Variants in SYT16 observed in about 807,000 individuals in gnomAD.
SYT16 encodes synaptotagmin 16.
A neutral mutation model predicts 61.4 loss-of-function variants in SYT16; 42 were observed. That is an observed-to-expected ratio of 0.68 (90% CI 0.53 to 0.89). The LOEUF is 0.89. Ranked by LOEUF, SYT16 falls within the 40% of genes least tolerant of loss-of-function variation. The probability of loss-of-function intolerance (pLI) is 0.00; values close to 1 mark genes in which losing one functional copy is unlikely to be tolerated. For synonymous variants in SYT16, 314 were observed against 302.3 expected, an observed-to-expected ratio of 1.04 and a Z score of -0.40; for missense variants, 804 against 807.3, an observed-to-expected ratio of 1.00 and a Z score of 0.05.
intron 1 of SYT16, among the ~76,000 whole-genome samples, chr14:61,864,599 T>G (rs570020884): frequency 4.9e-4 from 75 of 152,366 alleles, no homozygotes; most frequent in African/African-American, 1.7e-3. Context: ...CCAAGGCCGC[T>G]TCGGCCGCCG....
At chr14:62,051,205 C>A (rs1367992533) in intron 3 of SYT16, among the ~76,000 whole-genome samples, 1 of 152,226 alleles carries the variant, frequency 6.6e-6, no homozygotes, top group Non-Finnish European at 1.5e-5. Context: ...TGCTGCCTTG[C>A]AGTTTGATCT....
At chr14:61,943,478 C>T (rs1050553971) in intron 1 of SYT16, among the ~76,000 whole-genome samples, 1 of 152,092 alleles carries the variant, frequency 6.6e-6, no homozygotes, top group Non-Finnish European at 1.5e-5. Flanking sequence ...ATGTGAAAAT[C>T]CTCAATAAAA....
At chr14:62,010,796 T>C (rs1186925195) in intron 3 of SYT16, among the ~76,000 whole-genome samples, 1 of 152,142 alleles carries the variant, frequency 6.6e-6, no homozygotes, top group Non-Finnish European at 1.5e-5. Context: ...TAAGCTGTAA[T>C]ATCAGAGCCT....
intron 3 of SYT16, among the ~76,000 whole-genome samples, chr14:62,031,521 G>A (rs1030100115): frequency 6.6e-6 from 1 of 152,128 alleles, no homozygotes; most frequent in African/African-American, 2.4e-5. Flanking sequence ...AACAAGAGGG[G>A]CAAATGTGAG....
chr14:62,097,810 A>G (rs1292889965), intron 7 of SYT16, among the ~76,000 whole-genome samples: 7 of 152,328 alleles, frequency 4.6e-5, no homozygotes, highest in Admixed American at 2.0e-4. Context: ...TGAAATGAGC[A>G]TGCTTTTGTT....
At chr14:61,923,737 G>T (rs1229229467) in intron 1 of SYT16, among the ~76,000 whole-genome samples, 1 of 152,016 alleles carries the variant, frequency 6.6e-6, no homozygotes, top group Non-Finnish European at 1.5e-5. Flanking sequence ...TTAGGGGTTT[G>T]ACTGTTACAA....
intron 1 of SYT16, among the ~76,000 whole-genome samples, chr14:61,844,760 T>A (rs1191450157): frequency 3.3e-5 from 5 of 152,228 alleles, no homozygotes; most frequent in Admixed American, 1.3e-4. Flanking sequence ...ATGATCTTTT[T>A]AATGTATTGT....
At chr14:61,813,725 C>T (rs80027824) in intron 1 of SYT16, among the ~76,000 whole-genome samples, 356 of 151,664 alleles carry the variant, frequency 2.3e-3, no homozygotes, top group Non-Finnish European at 4.4e-3. Flanking sequence ...ATGACCCTGC[C>T]ATTGCACTCC....
At chr14:61,836,146 AT>A (rs2046120938) in intron 1 of SYT16, among the ~76,000 whole-genome samples, 1 of 152,176 alleles carries the variant, frequency 6.6e-6, no homozygotes, top group South Asian at 2.1e-4. Context: ...GGGGCAGCTT[AT>A]CTTTGTATAA....
chr14:62,034,834 A>G (rs2140821770), intron 3 of SYT16, among the ~76,000 whole-genome samples: 1 of 152,318 alleles, frequency 6.6e-6, no homozygotes, highest in Non-Finnish European at 1.5e-5. Context: ...CTGTATACTT[A>G]AAATTGGTGA....
intron 3 of SYT16, among the ~76,000 whole-genome samples, chr14:62,059,777 T>TACACACACACACAC (rs34498170): frequency 2.2e-4 from 32 of 146,816 alleles, no homozygotes; most frequent in East Asian, 2.2e-3. Flanking sequence ...TGTATACACA[T>TACACACACACACAC]ACACACACAC....
chr14:62,021,485 G>T (rs1353787552), intron 3 of SYT16, among the ~76,000 whole-genome samples: 1 of 52,684 alleles, frequency 1.9e-5, no homozygotes, highest in African/African-American at 6.2e-5. Flanking sequence ...TTTTTTTTCG[G>T]TTGTTGTTTT....
At chr14:61,955,749 A>G (rs768528360) in intron 1 of SYT16, among the ~76,000 whole-genome samples, 18 of 152,078 alleles carry the variant, frequency 1.2e-4, no homozygotes, top group Non-Finnish European at 1.9e-4. Context: ...TTCAATGAAC[A>G]TGGGAGTGCA....
chr14:61,941,977 A>G (rs1566701169), intron 1 of SYT16, among the ~76,000 whole-genome samples: 1 of 152,242 alleles, frequency 6.6e-6, no homozygotes, highest in Admixed American at 6.5e-5. Flanking sequence ...AATATTACTC[A>G]TCAGTCAAAC....
chr14:62,045,000 T>C (rs1252967617), intron 3 of SYT16, among the ~76,000 whole-genome samples: 2 of 152,132 alleles, frequency 1.3e-5, no homozygotes, highest in Non-Finnish European at 2.9e-5. Context: ...TAGCTGGGCG[T>C]GGTGGCACGC....
chr14:61,914,876 T>C (rs575706432), intron 1 of SYT16, among the ~76,000 whole-genome samples: 67 of 152,308 alleles, frequency 4.4e-4, no homozygotes, highest in African/African-American at 8.7e-4. Flanking sequence ...CAGGCCTTGT[T>C]ACACTCTGGC....
At chr14:62,098,442 T>C (rs2057334187) in intron 7 of SYT16, among the ~76,000 whole-genome samples, 1 of 152,232 alleles carries the variant, frequency 6.6e-6, no homozygotes, top group Non-Finnish European at 1.5e-5. Flanking sequence ...TTTATGATGG[T>C]TCCATTCAGG....
intron 3 of SYT16, among the ~76,000 whole-genome samples, chr14:62,051,823 G>C (rs1453613212): frequency 1.3e-5 from 2 of 152,152 alleles, no homozygotes; most frequent in Non-Finnish European, 2.9e-5. Context: ...CCTAAGCCCA[G>C]GAGTTTGAGA....
chr14:61,954,043 A>G (rs2050774072), intron 1 of SYT16, among the ~76,000 whole-genome samples: 1 of 152,178 alleles, frequency 6.6e-6, no homozygotes, highest in Non-Finnish European at 1.5e-5. Flanking sequence ...GTTAATGGAT[A>G]CTCAAAGATG....
Sources: allele counts gnomAD v4.1 joint callset (sites outside exome capture counted in the v4.1 genomes callset), GRCh38; gene constraint gnomAD v4.1.1; transcripts MANE v1.5; gene names NCBI Gene and HGNC (gene_info 2026-07-23, HGNC 2026-07-21).